The following NRF1 variants were observed in gnomAD, a reference collection of about 807,000 sequenced individuals.
NRF1 encodes nuclear respiratory factor 1, also known as alpha palindromic-binding protein.
A neutral mutation model predicts 58.5 loss-of-function variants in NRF1; 5 were observed. The ratio of observed to expected loss-of-function variants is 0.09; its 90% CI spans 0.04 to 0.18. The LOEUF (loss-of-function observed/expected upper bound fraction) is 0.18, where lower values mean the gene tolerates loss of function less well. Ranked by LOEUF, NRF1 falls within the 10% of genes least tolerant of loss-of-function variation. The pLI, the probability that NRF1 is intolerant of heterozygous loss-of-function variation, is 1.00. For synonymous variants in NRF1, 224 were observed against 246.7 expected (o/e 0.91, Z 0.86); for missense variants, 288 against 657.7 (o/e 0.44, Z 6.15).
intron 4 of NRF1, among the ~76,000 whole-genome samples, chr7:129,680,143 A>G (rs1802274953): frequency 6.6e-6 from 1 of 152,352 alleles, no homozygotes; most frequent in East Asian, 1.9e-4. Context: ...ATGTCCAACA[A>G]GCACATGAGA....
chr7:129,745,485 A>T (rs1355959738), intron 10 of NRF1, among the ~76,000 whole-genome samples: 1 of 146,588 alleles, frequency 6.8e-6, no homozygotes, highest in East Asian at 2.1e-4. Flanking sequence ...GAATAGTTTC[A>T]TCCCCAAACC....
chr7:129,727,926 T>C (rs916904693), intron 10 of NRF1, among the ~76,000 whole-genome samples: 5 of 152,190 alleles, frequency 3.3e-5, no homozygotes, highest in African/African-American at 7.2e-5. Context: ...CCTGAGCTTC[T>C]TCCCCAGCTC....
In NRF1 at chr7:129,643,012, A is replaced by G. The variant is rs554349493; in HGVS notation, c.-6-14334A>G. Among the ~76,000 whole-genome samples, 12 of 152,216 alleles carry G rather than the reference A, an allele frequency of 7.9e-5. No individual in the cohort carries two copies. In the South Asian group the frequency reaches 2.5e-3, roughly 32 times the overall value. Reference sequence around the variant, plus strand: ...TTTAAACTTAGAGATACAAAATTAGAATTGCCAGTCATAGGTTTTCTTGGA... The same window carrying G: ...TTTAAACTTAGAGATACAAAATTAGGATTGCCAGTCATAGGTTTTCTTGGA... On this transcript the variant is annotated intron_variant, in intron 1 of 10. Coordinates refer to ENST00000393232, the MANE Select transcript of NRF1 (RefSeq NM_005011.5).
chr7:129,622,396 C>T (rs1324166608), intron 1 of NRF1, among the ~76,000 whole-genome samples: 1 of 152,010 alleles, frequency 6.6e-6, no homozygotes, highest in East Asian at 1.9e-4. Context: ...ATTAAAATTT[C>T]TTCCAAAATC....
In NRF1 at chr7:129,663,497, G is replaced by A. The variant is rs1033896659; in HGVS notation, c.223+5923G>A. On this transcript the variant is annotated intron_variant, in intron 2 of 10. Coordinates refer to ENST00000393232, the MANE Select transcript of NRF1 (RefSeq NM_005011.5). ...GTGCTCCTCACCTCCCAGACGGGGC[G>A]GCCGGGCAGAGGCGCTCCCCACCTC... is the stretch of plus-strand genomic sequence containing the variant. Among the ~76,000 whole-genome samples, 35 of 151,198 alleles carry A rather than the reference G, an allele frequency of 2.3e-4. 1 individual carries two copies. The highest frequency in any genetic ancestry group is 1.6e-3 in the East Asian group (8 of 5,066).
At chr7:129,612,083 G>T (rs1412666851) in intron 1 of NRF1, among the ~76,000 whole-genome samples, 1 of 150,172 alleles carries the variant, frequency 6.7e-6, no homozygotes, top group East Asian at 1.9e-4. Context: ...CTGCCCTCCC[G>T]AGAGCCCCAG....
chr7:129,646,886 T>C (rs1185569024), intron 1 of NRF1, among the ~76,000 whole-genome samples: 1 of 152,092 alleles, frequency 6.6e-6, no homozygotes, highest in African/African-American at 2.4e-5. Flanking sequence ...GTAGGAGAGT[T>C]ACAGAAACTG....
intron 3 of NRF1, among the ~76,000 whole-genome samples, chr7:129,674,497 T>C (rs933224313): frequency 2.2e-4 from 34 of 152,124 alleles, no homozygotes; most frequent in African/African-American, 7.5e-4. Flanking sequence ...TGCAGTGGTG[T>C]GATCATGGCT....
At chr7:129,613,119 G>C (rs1000418911) in intron 1 of NRF1, among the ~76,000 whole-genome samples, 1 of 152,246 alleles carries the variant, frequency 6.6e-6, no homozygotes, top group Non-Finnish European at 1.5e-5. Flanking sequence ...GTGTGAGTGA[G>C]CCTGTCAGCT....
Position 129,755,184 on chromosome 7 carries a change from T to TA in NRF1, c.*4dup. 1 of 1,593,516 alleles carries TA rather than the reference T, an allele frequency of 6.3e-7. No homozygotes were observed. The highest frequency in any genetic ancestry group is 8.5e-7 in the Non-Finnish European group (1 of 1,171,070). The stretch of plus-strand genomic sequence containing the variant: ...AGGTGGTGACATTGGAACAGTGACA[T>TA]ACAGCCATATTATGGCATCGTTTTC... On this transcript the variant is annotated 3_prime_UTR_variant, in exon 11 of 11. Transcript: ENST00000393232. The surrounding 1 kb of genome is among the most constrained non-coding windows in gnomAD (Gnocchi z 5.8).
chr7:129,646,798 A>C (rs754694458), intron 1 of NRF1, among the ~76,000 whole-genome samples: 6 of 152,216 alleles, frequency 3.9e-5, no homozygotes, highest in Non-Finnish European at 7.3e-5. Context: ...AGCGAGGAAT[A>C]GTGCAACTCT....
At position 129,709,179 on chromosome 7, in the gene NRF1, T is replaced by C; in HGVS notation, c.711T>C (p.Asp237=). 1.9e-6 allele frequency: 3 copies of C among 1,587,726 alleles called. No homozygotes were observed. Among genetic ancestry groups the C allele is most frequent in the Non-Finnish European group, 2.6e-6 (3 of 1,165,326 alleles). The change falls in exon 6 of 11, where the codon GAT becomes GAC. Residue 237 remains aspartate (D), a synonymous_variant. Transcript: ENST00000393232. ...GCAAGCCCATCTGGTGGCCTGAAGATATCCCCTGGGCAAATGTCCGGAGTG... is the reference window on the plus strand; with the variant it reads ...GCAAGCCCATCTGGTGGCCTGAAGACATCCCCTGGGCAAATGTCCGGAGTG... ...ESCKPIWWPE[D]IPWANVRSDV...
At chr7:129,721,480 CTTT>C (rs1177344971) in intron 9 of NRF1, among the ~76,000 whole-genome samples, 5 of 137,810 alleles carry the variant, frequency 3.6e-5, no homozygotes, top group Admixed American at 7.3e-5. Flanking sequence ...TGCTCTTAGT[CTTT>C]TTTTTTTTTT....
intron 2 of NRF1, among the ~76,000 whole-genome samples, chr7:129,662,738 A>AGGTT (rs1182058067): frequency 6.6e-6 from 1 of 151,878 alleles, no homozygotes; most frequent in African/African-American, 2.4e-5. Context: ...ATCCAATTTA[A>AGGTT]GGTTTATTTA....
intron 5 of NRF1, among the ~76,000 whole-genome samples, chr7:129,702,589 C>T (rs564294132): frequency 6.6e-6 from 1 of 152,304 alleles, no homozygotes; most frequent in East Asian, 1.9e-4. Context: ...TGCTTTAGCT[C>T]TTTAATGCCC....
At chr7:129,751,010 C>T (rs547022590) in intron 10 of NRF1, among the ~76,000 whole-genome samples, 7 of 152,194 alleles carry the variant, frequency 4.6e-5, no homozygotes, top group African/African-American at 1.7e-4. Flanking sequence ...AAGGAATCTA[C>T]GGTCTCCTTG....
chr7:129,709,354 C>G (rs1803019129), intron 6 of NRF1, 121 bp downstream of exon 6: 2 of 723,308 alleles, frequency 2.8e-6, no homozygotes, highest in African/African-American at 3.6e-5. Context: ...GCCTGTCCCT[C>G]CAAAGACTGA....
chr7:129,631,831 T>C (rs1801056457), intron 1 of NRF1, among the ~76,000 whole-genome samples: 1 of 152,258 alleles, frequency 6.6e-6, no homozygotes, highest in African/African-American at 2.4e-5. Context: ...TTAAGTTTAC[T>C]GGACAGATTT....
intron 3 of NRF1, 74 bp from the exon 4 acceptor site, chr7:129,677,558 C>G: frequency 1.5e-6 from 2 of 1,375,420 alleles, no homozygotes; most frequent in Non-Finnish European, 2.1e-6. Context: ...AACTGTCTTA[C>G]CTCATTTGTG....
Sources: allele counts gnomAD v4.1 joint callset (sites outside exome capture counted in the v4.1 genomes callset), GRCh38; gene constraint gnomAD v4.1.1; non-coding constraint Gnocchi (gnomAD v3.1); transcripts MANE v1.5; gene names NCBI Gene and HGNC (gene_info 2026-07-23, HGNC 2026-07-21).